EPHB1: variants seen among roughly 807,000 people sequenced by gnomAD.
EPHB1 encodes the protein EPH receptor B1.
In EPHB1, 30 loss-of-function variants were observed where a neutral mutation model predicts 94.4. That is an observed-to-expected ratio of 0.32 (90% CI 0.24 to 0.43). The LOEUF is 0.43. Among genes scored for constraint, EPHB1 ranks in the 20% least tolerant of loss-of-function variants. The probability of loss-of-function intolerance (pLI) is 1.00; values close to 1 mark genes in which losing one functional copy is unlikely to be tolerated. For missense variants in EPHB1, 1,055 were observed against 1,308.3 expected (o/e 0.81, Z 2.99); for synonymous variants, 522 against 489.1 (o/e 1.07, Z -0.89).
intron 3 of EPHB1, among the ~76,000 whole-genome samples, chr3:134,952,498 G>A (rs1933076170): frequency 6.6e-6 from 1 of 152,008 alleles, no homozygotes; most frequent in Non-Finnish European, 1.5e-5. Context: ...AATTGAGAAG[G>A]GACTGAATTT....
At chr3:135,012,833 A>G (rs1432658313) in intron 3 of EPHB1, among the ~76,000 whole-genome samples, 1 of 152,226 alleles carries the variant, frequency 6.6e-6, no homozygotes, top group Admixed American at 6.5e-5. Context: ...AGGCTATTTT[A>G]TTGGCAAATG....
intron 3 of EPHB1, among the ~76,000 whole-genome samples, chr3:135,042,031 C>A (rs1218647762): frequency 6.6e-6 from 1 of 152,224 alleles, no homozygotes; most frequent in Non-Finnish European, 1.5e-5. Flanking sequence ...ATCTCCTGGG[C>A]AGTCCTCCCA....
chr3:134,798,406 C>T (rs1330230602), intron 1 of EPHB1, among the ~76,000 whole-genome samples: 1 of 152,168 alleles, frequency 6.6e-6, no homozygotes, highest in Non-Finnish European at 1.5e-5. Context: ...CTCAAATTCT[C>T]ATAATCAGGC....
rs182171781 is a variant in EPHB1 at position 134,951,056 on chromosome 3, C to T, written c.124-315C>T. Among the ~76,000 whole-genome samples, 2 of 152,280 alleles carry T rather than the reference C, an allele frequency of 1.3e-5. No homozygotes were observed. Among genetic ancestry groups the T allele is most frequent in the East Asian group, 1.9e-4 (1 of 5,184 alleles). ...AAGAAAGTCCCTGCCATCACATGGG[C>T]TGAAAGCTGCATGTTGTCCCCATGG... On this transcript the variant is annotated intron_variant, in intron 2 of 15. Transcript: ENST00000398015. This position sits in a 1 kb window ranked among gnomAD's most constrained non-coding sequence, Gnocchi z 4.5.
intron 10 of EPHB1, among the ~76,000 whole-genome samples, chr3:135,180,585 C>T (rs1263138393): frequency 6.6e-6 from 1 of 152,180 alleles, no homozygotes; most frequent in Non-Finnish European, 1.5e-5. Flanking sequence ...TGTGTGCCCT[C>T]ATCCATCTTC....
chr3:134,811,138 G>A (rs2036165873), intron 1 of EPHB1, among the ~76,000 whole-genome samples: 2 of 151,914 alleles, frequency 1.3e-5, no homozygotes, highest in East Asian at 1.9e-4. Flanking sequence ...AGGTCTGGGG[G>A]CTGGGGCTGT....
chr3:135,205,308 A>G (rs1942873299), intron 12 of EPHB1, among the ~76,000 whole-genome samples: 1 of 152,072 alleles, frequency 6.6e-6, no homozygotes, highest in Admixed American at 6.6e-5. Context: ...TTGATTTCTG[A>G]GAAACTTATA....
chr3:135,118,897 G>A (rs1160258333), intron 4 of EPHB1, among the ~76,000 whole-genome samples: 4 of 152,172 alleles, frequency 2.6e-5, no homozygotes, highest in African/African-American at 9.7e-5. Context: ...ATTTGTGGAG[G>A]AAATTCACCT....
At position 134,870,290 on chromosome 3, in the gene EPHB1, G is replaced by A. The variant is rs184096898; in HGVS notation, c.59-55526G>A. 1.4e-3 allele frequency among the ~76,000 whole-genome samples: 218 copies of A among 152,198 alleles called. 1 individual carries two copies. The highest frequency in any genetic ancestry group is 2.2e-3 in the Non-Finnish European group (148 of 68,016). On this transcript the variant is annotated intron_variant, in intron 1 of 15. Transcript: ENST00000398015. ...CTAATCTGAGCAAGGAAGACACCCCGGGCAGAGTTCATAAGGTCAGGGTGG... is the reference window on the plus strand; with the variant it reads ...CTAATCTGAGCAAGGAAGACACCCCAGGCAGAGTTCATAAGGTCAGGGTGG...
chr3:134,919,735 G>C (rs533387631), intron 1 of EPHB1, among the ~76,000 whole-genome samples: 1 of 152,088 alleles, frequency 6.6e-6, no homozygotes, highest in African/African-American at 2.4e-5. Flanking sequence ...GAAGGCAGAC[G>C]ACCCAGCCAC....
At chr3:135,243,029 C>G (rs1234571924) in intron 13 of EPHB1, among the ~76,000 whole-genome samples, 1 of 147,302 alleles carries the variant, frequency 6.8e-6, no homozygotes, top group East Asian at 2.0e-4. Flanking sequence ...GAGCCAAGAT[C>G]GCGCCACTGC....
At chr3:135,008,087 C>T (rs1039218722) in intron 3 of EPHB1, among the ~76,000 whole-genome samples, 4 of 152,086 alleles carry the variant, frequency 2.6e-5, no homozygotes, top group South Asian at 2.1e-4. Flanking sequence ...CTACTATTGG[C>T]GCCTGAGCTC....
At chr3:135,095,593 G>A (rs1313752229) in intron 3 of EPHB1, among the ~76,000 whole-genome samples, 4 of 152,200 alleles carry the variant, frequency 2.6e-5, no homozygotes, top group Non-Finnish European at 5.9e-5. Flanking sequence ...GGACTTCAGG[G>A]TAAAGCCATG....
rs58501914 is a variant in EPHB1, at chr3:135,001,402, A to C, written c.805+49350A>C. 8.2e-3 allele frequency among the ~76,000 whole-genome samples: 1,255 copies of C among 152,186 alleles called. 21 individuals are homozygous for C. The highest frequency in any genetic ancestry group is 0.029 in the African/African-American group (1,202 of 41,510). On this transcript the variant is annotated intron_variant, in intron 3 of 15. Coordinates refer to ENST00000398015, the MANE Select transcript of EPHB1 (RefSeq NM_004441.5). Reference sequence around the variant, plus strand: ...AAATGTCGGCTGGTCCCCTGCCTCCATCTCCCAGGGCTGTTCTATAGCCTC... The same window carrying C: ...AAATGTCGGCTGGTCCCCTGCCTCCCTCTCCCAGGGCTGTTCTATAGCCTC...
chr3:135,026,521 T>C (rs1293394839), intron 3 of EPHB1, among the ~76,000 whole-genome samples: 5 of 147,188 alleles, frequency 3.4e-5, no homozygotes, highest in African/African-American at 1.0e-4. Context: ...ATCAGATAGT[T>C]GTAGATATGC....
intron 1 of EPHB1, among the ~76,000 whole-genome samples, chr3:134,882,794 C>CTT (rs1207968117): frequency 1.6e-5 from 1 of 64,224 alleles, no homozygotes; most frequent in Non-Finnish European, 3.5e-5. Flanking sequence ...TTCTTTCTTT[C>CTT]TTTCTTTCTT....
At chr3:134,798,553 G>A (rs1031224023) in intron 1 of EPHB1, among the ~76,000 whole-genome samples, 1 of 152,168 alleles carries the variant, frequency 6.6e-6, no homozygotes, top group Admixed American at 6.5e-5. Context: ...GAAAAGATCC[G>A]CTGGGGCTAA....
rs577600423 is a variant in EPHB1 at position 134,814,338 on chromosome 3, G to A, written c.58+18649G>A. Among the ~76,000 whole-genome samples the A allele has an allele frequency of 1.3e-5, 2 of 152,256 alleles. 1 individual carries two copies. Among genetic ancestry groups the A allele is most frequent in the South Asian group, 4.2e-4 (2 of 4,814 alleles). ...AACATGTAGAGGGGAGAGTGATGAG[G>A]ATGCATATCATGAGTGAGAAGTAGC... On this transcript the variant is annotated intron_variant, in intron 1 of 15. Coordinates refer to ENST00000398015, the MANE Select transcript of EPHB1 (RefSeq NM_004441.5).
At chr3:135,173,383 G>A (rs1419952225) in intron 9 of EPHB1, among the ~76,000 whole-genome samples, 1 of 152,152 alleles carries the variant, frequency 6.6e-6, no homozygotes, top group Non-Finnish European at 1.5e-5. Flanking sequence ...TTCCTTCTTT[G>A]GGAGACAGAT....
Sources: allele counts gnomAD v4.1 joint callset (sites outside exome capture counted in the v4.1 genomes callset), GRCh38; gene constraint gnomAD v4.1.1; non-coding constraint Gnocchi (gnomAD v3.1); transcripts MANE v1.5; gene names NCBI Gene and HGNC (gene_info 2026-07-23, HGNC 2026-07-21).